Variants in C2CD2 observed in about 807,000 individuals in gnomAD.
C2CD2 encodes the protein C2 domain-containing protein 2.
In C2CD2, 43 loss-of-function variants were observed where a neutral mutation model predicts 74.3. The ratio of observed to expected loss-of-function variants is 0.58; its 90% CI spans 0.45 to 0.75. The LOEUF is 0.75. C2CD2 is among the 30% of genes least tolerant of loss of function. C2CD2 has a pLI of 0.00. For synonymous variants in C2CD2, 422 were observed against 390.7 expected (o/e 1.08, Z -0.94); for missense variants, 801 against 916.3 (o/e 0.87, Z 1.63).
chr21:41,935,895 G>A (rs977053788), intron 2 of C2CD2, among the ~76,000 whole-genome samples: 6 of 151,940 alleles, frequency 3.9e-5, no homozygotes, highest in African/African-American at 1.5e-4. Context: ...GGCTATCCAC[G>A]TGCAGAAGAA....
rs569807611 is a variant in C2CD2 at position 41,939,332 on chromosome 21, T to G, written c.378+2815A>C. Reference sequence around the variant, plus strand: ...TGGCAATATGAAGTTTTTTTAAAGATGGAGTCTTGCTATTTCCACAGCCCC... The same window carrying G: ...TGGCAATATGAAGTTTTTTTAAAGAGGGAGTCTTGCTATTTCCACAGCCCC... On this transcript the variant is annotated intron_variant, in intron 2 of 13. Coordinates refer to ENST00000380486, the MANE Select transcript of C2CD2 (RefSeq NM_015500.2). The surrounding 1 kb of genome is among the most constrained non-coding windows in gnomAD (Gnocchi z 5.5). Among the ~76,000 whole-genome samples, 3 of 152,246 alleles carry G rather than the reference T, an allele frequency of 2.0e-5. No individual in the cohort carries two copies. The highest frequency in any genetic ancestry group is 7.2e-5 in the African/African-American group (3 of 41,456).
chr21:41,899,201 G>T lies in C2CD2; in HGVS notation c.1722C>A (p.Pro574=). The stretch of plus-strand genomic sequence containing the variant: ...CCCAGGAGTCTAGCTCGTCCTCCTG[G>T]GGCTTGGGGGCAAGGGATGCCTGGG... The part of the protein sequence containing the change: ...ESAQASLAPK[P]QEDELDSWDL... Residue 574 remains proline, a synonymous_variant, in exon 13 of 14, where the codon CCC becomes CCA. Coordinates refer to ENST00000380486, the MANE Select transcript of C2CD2 (RefSeq NM_015500.2). This position sits in a 1 kb window ranked among gnomAD's most constrained non-coding sequence, Gnocchi z 4.4. 8.7e-6 allele frequency: 14 copies of T among 1,612,392 alleles called. No homozygotes were observed. The highest frequency in any genetic ancestry group is 1.2e-5 in the Non-Finnish European group (14 of 1,179,454).
In C2CD2 at chr21:41,885,785, C is replaced by T. The variant is rs529292564; in HGVS notation, c.*3339G>A. ...CTGCTCAAAGCAACTTTGCAACTCTCGTCTATAGAGGTGGCCAGTAAAACC... is the reference window on the plus strand; with the variant it reads ...CTGCTCAAAGCAACTTTGCAACTCTTGTCTATAGAGGTGGCCAGTAAAACC... On this transcript the variant is annotated 3_prime_UTR_variant, in exon 14 of 14. Transcript: ENST00000380486. The T allele has an allele frequency of 2.2e-4, 34 of 152,410 alleles. No homozygotes were observed. The highest frequency in any genetic ancestry group is 7.5e-4 in the African/African-American group (31 of 41,540). 9.4% of individuals were successfully genotyped at this position (152,410 alleles called of 1,614,324 possible). A position where few individuals can be genotyped will look rare whatever the true frequency, so the allele number is the denominator to read the frequency against.
intron 12 of C2CD2, among the ~76,000 whole-genome samples, chr21:41,900,380 G>A (rs897787172): frequency 6.6e-6 from 1 of 152,214 alleles, no homozygotes; most frequent in African/African-American, 2.4e-5. Flanking sequence ...GGAGTTCTTT[G>A]TGATTTTTAA....
rs1395943363 is a variant in C2CD2 at position 41,953,506 on chromosome 21, C to T, written c.143G>A (p.Arg48Gln). The change falls in exon 1 of 14, where the codon CGG becomes CAG. Residue 48 changes from arginine to glutamine, a missense_variant. Physicochemically the swap from Arg to Gln is conservative, Grantham distance 43. Transcript: ENST00000380486. ...CGGCCCCTCTCCAGGCTCCACCGCC[C>T]GCCGCTGGGGCTGGGGTCGCGCCCT... The part of the protein sequence containing the change: ...LARARPQPQR[R>Q]AVEPGEGPRP... 6.7e-7 allele frequency: 1 copy of T among 1,486,166 alleles called. No individual in the cohort carries two copies. Among genetic ancestry groups the T allele is most frequent in the Non-Finnish European group, 8.9e-7 (1 of 1,118,796 alleles). The allele number at this position is 1,486,166 out of a possible 1,614,324, so 92.1% of individuals were successfully genotyped here.
At chr21:41,890,446 T>A (rs1274480057) in intron 13 of C2CD2, among the ~76,000 whole-genome samples, 1 of 152,248 alleles carries the variant, frequency 6.6e-6, no homozygotes, top group Non-Finnish European at 1.5e-5. Context: ...GCTAATGTAG[T>A]GGGTGCAAGA....
chr21:41,895,983 G>A lies in C2CD2; in HGVS notation c.1870+3070C>T, dbSNP rs950955525. Among the ~76,000 whole-genome samples the A allele has an allele frequency of 9.2e-5, 14 of 152,292 alleles. No homozygotes were observed. The highest frequency in any genetic ancestry group is 3.1e-4 in the African/African-American group (13 of 41,542). On this transcript the variant is annotated intron_variant, in intron 13 of 13. Coordinates refer to ENST00000380486, the MANE Select transcript of C2CD2 (RefSeq NM_015500.2). This position sits in a 1 kb window ranked among gnomAD's most constrained non-coding sequence, Gnocchi z 5.0. ...TTCCTGTGGGTGTCACAGCGAGGTC[G>A]CCTGGCCACATCAGGTACCAGAGCG...
intron 1 of C2CD2, among the ~76,000 whole-genome samples, chr21:41,950,161 G>C (rs2065438486): frequency 6.6e-6 from 1 of 151,846 alleles, no homozygotes; most frequent in African/African-American, 2.4e-5. Flanking sequence ...GGAAAAAAAA[G>C]AAAGAGGAAC....
chr21:41,908,243 T>TTGGGTGTGTGTGTGTGTGTGTG, intron 8 of C2CD2: 1 of 167,382 alleles, frequency 6.0e-6, no homozygotes, highest in Non-Finnish European at 1.2e-5. Context: ...TACCCTCAAG[T>TTGGGTGTGTGTGTGTGTGTGTG]TGTGTGTGTG....
At chr21:41,901,162 T>G in intron 12 of C2CD2, 1 of 224,728 alleles carries the variant, frequency 4.4e-6, no homozygotes, top group East Asian at 1.1e-4. Context: ...AGAAAGGGAG[T>G]GCGGTGTCCA....
In C2CD2 at chr21:41,907,503, C is replaced by T. The variant is rs1407725111; in HGVS notation, c.1143+157G>A. The stretch of plus-strand genomic sequence containing the variant: ...TACAGTGGACAGAACGTGCTCTATT[C>T]GAGTCTGGTCCTGCGTACGATGAAA... On this transcript the variant is annotated intron_variant, in intron 9 of 13. Transcript: ENST00000380486. Among the ~76,000 whole-genome samples, 9 of 152,234 alleles carry T rather than the reference C, an allele frequency of 5.9e-5. 1 individual carries two copies. In the East Asian group the frequency reaches 1.5e-3, roughly 26 times the overall value.
intron 13 of C2CD2, among the ~76,000 whole-genome samples, chr21:41,897,571 C>A (rs924792233): frequency 2.6e-5 from 4 of 152,208 alleles, no homozygotes; most frequent in African/African-American, 9.6e-5. Context: ...ATGCATCAAG[C>A]ACCCCAAGGC....
intron 4 of C2CD2, 59 bp downstream of exon 4, chr21:41,918,797 G>A: frequency 2.3e-6 from 3 of 1,317,570 alleles, no homozygotes; most frequent in Non-Finnish European, 3.3e-6. Flanking sequence ...ACCGCAGACT[G>A]TCCTAACACA....
chr21:41,946,317 C>A (rs183072666), intron 1 of C2CD2, among the ~76,000 whole-genome samples: 1 of 152,188 alleles, frequency 6.6e-6, no homozygotes, highest in Non-Finnish European at 1.5e-5. Context: ...AATCTCATGT[C>A]GAATTTTAAT....
Position 41,939,357 on chromosome 21 carries a change from C to T in C2CD2, c.378+2790G>A, listed in dbSNP as rs1483068919. 6.6e-6 allele frequency among the ~76,000 whole-genome samples: 1 copy of T among 152,152 alleles called. No individual in the cohort carries two copies. The highest frequency in any genetic ancestry group is 1.9e-4 in the East Asian group (1 of 5,196). ...TGGAGTCTTGCTATTTCCACAGCCC[C>T]GCTTCCTCCACTCCCTGTCCAGACC... is the stretch of plus-strand genomic sequence containing the variant. On this transcript the variant is annotated intron_variant, in intron 2 of 13. Transcript: ENST00000380486. This position sits in a 1 kb window ranked among gnomAD's most constrained non-coding sequence, Gnocchi z 5.5.
chr21:41,907,682 A>G lies in C2CD2; in HGVS notation c.1121T>C (p.Val374Ala). 1.9e-6 allele frequency: 3 copies of G among 1,612,096 alleles called. No homozygotes were observed. Among genetic ancestry groups the G allele is most frequent in the Non-Finnish European group, 2.5e-6 (3 of 1,179,748 alleles). The change falls in exon 9 of 14, where the codon GTG becomes GCG. Residue 374 changes from valine (V) to alanine (A), a missense_variant. Coordinates refer to ENST00000380486, the MANE Select transcript of C2CD2 (RefSeq NM_015500.2). Reference protein sequence around the residue: ...LTSGSACGSSVLGSVTAEFSY... With the variant: ...LTSGSACGSSALGSVTAEFSY... Reference sequence around the variant, plus strand: ...TACCTCTGCCGTGACCGAGCCCAGCACCGAGCTGCCGCAGGCAGACCCGCT... The same window carrying G: ...TACCTCTGCCGTGACCGAGCCCAGCGCCGAGCTGCCGCAGGCAGACCCGCT...
At chr21:41,928,050 A>G (rs1431005120) in intron 2 of C2CD2, among the ~76,000 whole-genome samples, 2 of 152,226 alleles carry the variant, frequency 1.3e-5, no homozygotes, top group African/African-American at 4.8e-5. Flanking sequence ...ACACAGAAAG[A>G]TCTGTTTGTG....
chr21:41,907,637 C>T (rs760695430), intron 9 of C2CD2, 23 bp downstream of exon 9: 53 of 1,601,404 alleles, frequency 3.3e-5, no homozygotes, highest in South Asian at 4.5e-5. Flanking sequence ...GGAACCCGGC[C>T]GCGGCGGACA....
rs576819441 is a variant in C2CD2 at position 41,934,979 on chromosome 21, C to T, written c.378+7168G>A. On this transcript the variant is annotated intron_variant, in intron 2 of 13. Transcript: ENST00000380486. ...CCATCTTGGCTCACTGCAACCTCCA[C>T]CTCCCAGGTTCAAGCAATTCTCCTG... Among the ~76,000 whole-genome samples, 6 of 152,306 alleles carry T rather than the reference C, an allele frequency of 3.9e-5. No individual in the cohort carries two copies. In the South Asian group the frequency reaches 1.2e-3, roughly 32 times the overall value.
Sources: allele counts gnomAD v4.1 joint callset (sites outside exome capture counted in the v4.1 genomes callset), GRCh38; gene constraint gnomAD v4.1.1; non-coding constraint Gnocchi (gnomAD v3.1); transcripts MANE v1.5; gene names NCBI Gene and HGNC (gene_info 2026-07-23, HGNC 2026-07-21).